MACROD2: variants seen among roughly 807,000 people sequenced by gnomAD.
MACROD2 encodes ADP-ribose glycohydrolase MACROD2.
In MACROD2, 36 loss-of-function variants were observed where a neutral mutation model predicts 70.4. That is an observed-to-expected ratio of 0.51 (90% CI 0.39 to 0.68). The LOEUF (loss-of-function observed/expected upper bound fraction) is 0.68. MACROD2 is among the 30% of genes least tolerant of loss of function. The pLI is 0.00. For missense variants in MACROD2, 496 were observed against 538.4 expected, an observed-to-expected ratio of 0.92 and a Z score of 0.78; for synonymous variants, 172 against 178.8, an observed-to-expected ratio of 0.96 and a Z score of 0.30.
intron 4 of MACROD2, among the ~76,000 whole-genome samples, chr20:14,551,003 T>C (rs1978616420): frequency 6.6e-6 from 1 of 152,182 alleles, no homozygotes; most frequent in Non-Finnish European, 1.5e-5. Flanking sequence ...CTTTCTTTTA[T>C]GCAGAAGATA....
intron 4 of MACROD2, among the ~76,000 whole-genome samples, chr20:14,640,502 C>G (rs558924347): frequency 6.6e-6 from 1 of 152,230 alleles, no homozygotes; most frequent in South Asian, 2.1e-4. Context: ...TTATAGTCTA[C>G]TGGGAGAGAC....
chr20:15,228,649 C>T (rs2076933109), intron 5 of MACROD2, among the ~76,000 whole-genome samples: 1 of 151,912 alleles, frequency 6.6e-6, no homozygotes. Flanking sequence ...ACCACCACGC[C>T]TGGCTAATTT....
intron 7 of MACROD2, among the ~76,000 whole-genome samples, chr20:15,453,426 T>A (rs1207369467): frequency 6.6e-6 from 1 of 152,174 alleles, no homozygotes; most frequent in African/African-American, 2.4e-5. Flanking sequence ...TTTTGATTTG[T>A]TTTTAAAATT....
In MACROD2 at chr20:14,017,338, G is replaced by T. The variant is rs925998408; in HGVS notation, c.163+14934G>T. On this transcript the variant is annotated intron_variant, in intron 2 of 17. Coordinates refer to ENST00000684519, the MANE Select transcript of MACROD2 (RefSeq NM_001351661.2). ...TTCTTTTTCTTGCCTGATTACTCTG[G>T]CTAAAACTTCCAATATTATGTTGGC... 8.5e-5 allele frequency among the ~76,000 whole-genome samples: 13 copies of T among 152,120 alleles called. No individual in the cohort carries two copies. In the Middle Eastern group the frequency reaches 0.01, roughly 119 times the overall value.
rs6131688 is a variant in MACROD2 at position 15,678,631 on chromosome 20, A to C, written c.645+178784A>C. ...GGCAAGGCCCTATCTTTAAAAAAAT[A>C]AATAAATAAAATGTAAAAAGCCTAT... On this transcript the variant is annotated intron_variant, in intron 8 of 17. Coordinates refer to ENST00000684519, the MANE Select transcript of MACROD2 (RefSeq NM_001351661.2). Among the ~76,000 whole-genome samples the C allele has an allele frequency of 0.027, 4,121 of 152,206 alleles. 537 individuals carry two copies. In the East Asian group the frequency reaches 0.4, roughly 15 times the overall value.
At chr20:15,703,880 C>T (rs906897626) in intron 8 of MACROD2, among the ~76,000 whole-genome samples, 9 of 151,970 alleles carry the variant, frequency 5.9e-5, no homozygotes, top group East Asian at 3.9e-4. Flanking sequence ...ACATAAGCCA[C>T]GATGTCTTAT....
At chr20:14,193,633 G>GTCC (rs2081406544) in intron 3 of MACROD2, among the ~76,000 whole-genome samples, 2 of 152,204 alleles carry the variant, frequency 1.3e-5, no homozygotes, top group Admixed American at 1.3e-4. Flanking sequence ...AAGAACTTGA[G>GTCC]TCCTGCAGGA....
At chr20:14,783,698 C>T (rs1329814139) in intron 5 of MACROD2, among the ~76,000 whole-genome samples, 4 of 151,916 alleles carry the variant, frequency 2.6e-5, no homozygotes, top group Non-Finnish European at 5.9e-5. Context: ...GAGGTAACTC[C>T]AAGTAGGAGA....
chr20:15,681,927 T>C (rs1457324409), intron 8 of MACROD2, among the ~76,000 whole-genome samples: 2 of 152,188 alleles, frequency 1.3e-5, no homozygotes, highest in East Asian at 3.8e-4. Flanking sequence ...TTGGCCATTT[T>C]TGTGATTCCC....
At chr20:15,821,392 A>G (rs867809952) in intron 8 of MACROD2, among the ~76,000 whole-genome samples, 2 of 151,846 alleles carry the variant, frequency 1.3e-5, no homozygotes, top group African/African-American at 2.4e-5. Context: ...AAATTATTAG[A>G]TATTTTAAAA....
At chr20:15,044,814 ACT>A (rs1242392148) in intron 5 of MACROD2, among the ~76,000 whole-genome samples, 2 of 152,050 alleles carry the variant, frequency 1.3e-5, no homozygotes, top group African/African-American at 4.8e-5. Flanking sequence ...CACTCAAATT[ACT>A]CTGTTTGAAA....
intron 5 of MACROD2, among the ~76,000 whole-genome samples, chr20:14,933,636 A>T (rs1461211420): frequency 8.1e-6 from 1 of 124,180 alleles, no homozygotes; most frequent in Non-Finnish European, 1.7e-5. Context: ...ACTCAAAAAA[A>T]TAAAAAAAAA....
At chr20:14,758,271 C>T (rs894825313) in intron 5 of MACROD2, among the ~76,000 whole-genome samples, 3 of 152,042 alleles carry the variant, frequency 2.0e-5, no homozygotes, top group African/African-American at 4.8e-5. Context: ...GTGTTACTCA[C>T]TTCAGTATTT....
chr20:15,156,448 G>C (rs1366527004), intron 5 of MACROD2, among the ~76,000 whole-genome samples: 1 of 152,102 alleles, frequency 6.6e-6, no homozygotes, highest in Non-Finnish European at 1.5e-5. Flanking sequence ...TTTTAGCAAA[G>C]ATTGGTCACT....
At chr20:15,073,853 G>A (rs1027668141) in intron 5 of MACROD2, among the ~76,000 whole-genome samples, 1 of 152,156 alleles carries the variant, frequency 6.6e-6, no homozygotes, top group African/African-American at 2.4e-5. Flanking sequence ...CCTTGTTAAT[G>A]AGACATTTGT....
chr20:14,314,513 C>G (rs1211943400), intron 3 of MACROD2, among the ~76,000 whole-genome samples: 1 of 152,152 alleles, frequency 6.6e-6, no homozygotes, highest in Non-Finnish European at 1.5e-5. Flanking sequence ...GTAATCCCAA[C>G]ACTTTGGGAG....
chr20:16,040,120 T>G (rs2067289009), intron 15 of MACROD2, among the ~76,000 whole-genome samples: 1 of 152,094 alleles, frequency 6.6e-6, no homozygotes. Flanking sequence ...CTGCTTGTTT[T>G]ATATGTCATC....
intron 4 of MACROD2, among the ~76,000 whole-genome samples, chr20:14,502,375 ATCTC>A (rs1173879545): frequency 2.0e-5 from 3 of 152,124 alleles, no homozygotes; most frequent in African/African-American, 7.2e-5. Flanking sequence ...CAAATTCAAG[ATCTC>A]CAGGGTCCTG....
chr20:14,671,224 G>A (rs915375470), intron 4 of MACROD2, among the ~76,000 whole-genome samples: 6 of 152,080 alleles, frequency 3.9e-5, no homozygotes, highest in African/African-American at 7.2e-5. Context: ...GGGATCATGC[G>A]TATGTGGAAG....
Sources: allele counts gnomAD v4.1 joint callset (sites outside exome capture counted in the v4.1 genomes callset), GRCh38; gene constraint gnomAD v4.1.1; transcripts MANE v1.5; gene names NCBI Gene and HGNC (gene_info 2026-07-23, HGNC 2026-07-21).